The following SLMAP variants were observed in gnomAD, a reference collection of about 807,000 sequenced individuals.
The protein encoded by SLMAP is sarcolemma associated protein.
A neutral mutation model predicts 128.8 loss-of-function variants in SLMAP; 44 were observed. The ratio of observed to expected loss-of-function variants is 0.34; its 90% CI spans 0.27 to 0.44. The LOEUF is 0.44. Among genes scored for constraint, SLMAP ranks in the 20% least tolerant of loss-of-function variants. The pLI, the probability that SLMAP is intolerant of heterozygous loss-of-function variation, is 1.00. For synonymous variants in SLMAP, 327 were observed against 348.8 expected (o/e 0.94, Z 0.70); for missense variants, 787 against 985.3 (o/e 0.80, Z 2.69).
chr3:57,839,341 T>C (rs2093802281), intron 3 of SLMAP, among the ~76,000 whole-genome samples: 2 of 152,178 alleles, frequency 1.3e-5, no homozygotes, highest in Non-Finnish European at 2.9e-5. Context: ...TTAATGTGCA[T>C]TTCCAGATGA....
intron 2 of SLMAP, among the ~76,000 whole-genome samples, chr3:57,771,171 C>T (rs1559924868): frequency 7.0e-6 from 1 of 142,008 alleles, no homozygotes; most frequent in Non-Finnish European, 1.5e-5. Context: ...CCCCTCCCCT[C>T]CCCTCCCCTC....
At chr3:57,825,787 G>A (rs2092882540) in intron 2 of SLMAP, among the ~76,000 whole-genome samples, 1 of 152,174 alleles carries the variant, frequency 6.6e-6, no homozygotes, top group East Asian at 1.9e-4. Context: ...CGCTGGGAAT[G>A]CAGGCTGATG....
chr3:57,800,305 A>G (rs1257347980), intron 2 of SLMAP, among the ~76,000 whole-genome samples: 1 of 152,100 alleles, frequency 6.6e-6, no homozygotes, highest in East Asian at 1.9e-4. Context: ...GATTACAGGC[A>G]TCCACCACCA....
At chr3:57,816,150 T>C (rs1216868921) in intron 2 of SLMAP, among the ~76,000 whole-genome samples, 1 of 152,050 alleles carries the variant, frequency 6.6e-6, no homozygotes, top group African/African-American at 2.4e-5. Context: ...TGTTTGTTTG[T>C]TTGTTTGTTT....
intron 2 of SLMAP, among the ~76,000 whole-genome samples, chr3:57,779,278 C>G (rs2082517326): frequency 6.6e-6 from 1 of 151,974 alleles, no homozygotes; most frequent in Non-Finnish European, 1.5e-5. Context: ...GAGGCTGAGG[C>G]AGGTAGATTG....
intron 2 of SLMAP, among the ~76,000 whole-genome samples, chr3:57,762,976 G>A (rs111342388): frequency 0.13 from 19,643 of 151,942 alleles, 1,381 homozygotes; most frequent in South Asian, 0.22. Context: ...TGCCTGCCTC[G>A]GCCTCCCAAA....
chr3:57,806,542 A>G (rs576009802), intron 2 of SLMAP, among the ~76,000 whole-genome samples: 1 of 152,096 alleles, frequency 6.6e-6, no homozygotes, highest in African/African-American at 2.4e-5. Context: ...GGTTCAAGCA[A>G]TTATCCTGCT....
chr3:57,839,875 G>A (rs1388765918), intron 3 of SLMAP, among the ~76,000 whole-genome samples: 1 of 151,912 alleles, frequency 6.6e-6, no homozygotes, highest in East Asian at 1.9e-4. Context: ...ATTTTTAGTA[G>A]AGGGGTTTTG....
chr3:57,857,785 G>A lies in SLMAP; in HGVS notation c.572G>A (p.Arg191Gln), dbSNP rs756779633. 3.7e-6 allele frequency: 6 copies of A among 1,613,830 alleles called. No homozygotes were observed. Among genetic ancestry groups the A allele is most frequent in the South Asian group, 3.3e-5 (3 of 91,072 alleles). The change falls in exon 7 of 25, where the codon CGG becomes CAG. Residue 191 changes from arginine to glutamine, a missense_variant. Coordinates refer to ENST00000671191, the MANE Select transcript of SLMAP (RefSeq NM_001377540.1). ...GAACAGAAGTTAGCCACGCTTCAGC[G>A]GCTACTAGCCATCACCCAAGAGGCT... The part of the protein sequence containing the change: ...MLEQKLATLQ[R>Q]LLAITQEASD...
At chr3:57,777,318 A>C (rs1243940921) in intron 2 of SLMAP, among the ~76,000 whole-genome samples, 4 of 150,534 alleles carry the variant, frequency 2.7e-5, no homozygotes, top group African/African-American at 9.8e-5. Context: ...ATATAGGATA[A>C]CATCCTTATG....
intron 2 of SLMAP, among the ~76,000 whole-genome samples, chr3:57,778,271 A>C (rs1334320776): frequency 6.6e-6 from 1 of 151,784 alleles, no homozygotes; most frequent in African/African-American, 2.4e-5. Flanking sequence ...TTTATTATAA[A>C]ATTATTCATA....
intron 2 of SLMAP, among the ~76,000 whole-genome samples, chr3:57,767,723 G>A (rs895613306): frequency 6.6e-6 from 1 of 152,136 alleles, no homozygotes; most frequent in Non-Finnish European, 1.5e-5. Flanking sequence ...GATGTTTAGA[G>A]GTTATTTGTA....
At chr3:57,863,277 A>T (rs1057194129) in intron 10 of SLMAP, among the ~76,000 whole-genome samples, 2 of 152,152 alleles carry the variant, frequency 1.3e-5, no homozygotes, top group Non-Finnish European at 2.9e-5. Context: ...AGAATCTTAT[A>T]ACTGAGGAAA....
intron 14 of SLMAP, among the ~76,000 whole-genome samples, chr3:57,888,101 A>C (rs2153645575): frequency 6.6e-6 from 1 of 152,322 alleles, no homozygotes; most frequent in East Asian, 1.9e-4. Context: ...ATAAGAAAAC[A>C]GAAAGAGGAA....
At chr3:57,771,548 T>TA (rs1360741675) in intron 2 of SLMAP, among the ~76,000 whole-genome samples, 1 of 152,020 alleles carries the variant, frequency 6.6e-6, no homozygotes, top group African/African-American at 2.4e-5. Context: ...TCTTTTTTTT[T>TA]AGACAGGGTC....
intron 2 of SLMAP, among the ~76,000 whole-genome samples, chr3:57,771,344 C>A (rs1361430294): frequency 6.6e-6 from 1 of 152,134 alleles, no homozygotes; most frequent in East Asian, 1.9e-4. Flanking sequence ...AATCCCCCGT[C>A]CTCAGCCTCC....
chr3:57,877,533 TC>T (rs1309283618), intron 14 of SLMAP, among the ~76,000 whole-genome samples: 1 of 152,218 alleles, frequency 6.6e-6, no homozygotes, highest in African/African-American at 2.4e-5. Context: ...ATAGGAAAAC[TC>T]TGAGTGTCAG....
At chr3:57,854,886 TTGTG>T (rs1425167991) in intron 6 of SLMAP, among the ~76,000 whole-genome samples, 1 of 152,206 alleles carries the variant, frequency 6.6e-6, no homozygotes, top group Admixed American at 6.5e-5. Flanking sequence ...GATTTTGTCT[TTGTG>T]TGAACATTAT....
intron 2 of SLMAP, among the ~76,000 whole-genome samples, chr3:57,810,519 A>G (rs2090772799): frequency 1.3e-5 from 2 of 152,182 alleles, no homozygotes; most frequent in African/African-American, 4.8e-5. Context: ...TTTCTCTATT[A>G]GCATTGCTCA....
Sources: allele counts gnomAD v4.1 joint callset (sites outside exome capture counted in the v4.1 genomes callset), GRCh38; gene constraint gnomAD v4.1.1; transcripts MANE v1.5; gene names NCBI Gene and HGNC (gene_info 2026-07-23, HGNC 2026-07-21).